The following PDE7A variants were observed in gnomAD, a reference collection of about 807,000 sequenced individuals.
The protein encoded by PDE7A is high affinity 3',5'-cyclic-AMP phosphodiesterase 7A.
Under a neutral mutation model 64.3 loss-of-function variants are expected in PDE7A, and 39 were observed. The observed-to-expected ratio is 0.61, with a 90% confidence interval of 0.47 to 0.79. PDE7A has a LOEUF of 0.79. Among genes scored for constraint, PDE7A ranks in the 30% least tolerant of loss-of-function variants. PDE7A has a pLI of 0.00. For synonymous variants in PDE7A, 203 were observed against 206.8 expected (o/e 0.98, Z 0.16); for missense variants, 470 against 582.8 (o/e 0.81, Z 1.99).
chr8:65,730,193 T>TTTTTTTTTTTTTTTC (rs1321443430), intron 7 of PDE7A, among the ~76,000 whole-genome samples: 3 of 136,996 alleles, frequency 2.2e-5, no homozygotes, highest in African/African-American at 8.1e-5. Context: ...TTTTTTTTTT[T>TTTTTTTTTTTTTTTC]TTTTGAGATG....
intron 7 of PDE7A, among the ~76,000 whole-genome samples, chr8:65,732,586 C>G (rs1171832223): frequency 6.6e-6 from 1 of 152,188 alleles, no homozygotes; most frequent in Non-Finnish European, 1.5e-5. Context: ...GGCACTATCA[C>G]TACTCTCTGC....
intron 3 of PDE7A, among the ~76,000 whole-genome samples, chr8:65,766,381 G>A (rs1358953477): frequency 5.3e-5 from 8 of 152,182 alleles, no homozygotes; most frequent in Non-Finnish European, 8.8e-5. Flanking sequence ...GAATATTTGC[G>A]ACTCTTACTT....
In PDE7A at chr8:65,739,606, AAAG is replaced by A. The variant is rs1807316213; in HGVS notation, c.500-12_500-10del. On this transcript the variant is annotated splice_polypyrimidine_tract_variant and intron_variant, in intron 5 of 12. Transcript: ENST00000401827. ...GCTTACTAGACTATTTCCTAAAAAG[AAAG>A]AAGAGACATTACATTAGTAGGAAAT... 6.6e-7 allele frequency: 1 copy of A among 1,511,340 alleles called. No homozygotes were observed. The highest frequency in any genetic ancestry group is 8.8e-7 in the Non-Finnish European group (1 of 1,135,024). The allele number at this position is 1,511,340 out of a possible 1,614,324, so 93.6% of individuals were successfully genotyped here.
chr8:65,733,335 G>T (rs543943225), intron 7 of PDE7A, among the ~76,000 whole-genome samples: 1 of 152,276 alleles, frequency 6.6e-6, no homozygotes, highest in Admixed American at 6.5e-5. Context: ...TAACCCTTTT[G>T]TGTGCTGCAG....
At chr8:65,728,886 T>C (rs1261858647) in intron 7 of PDE7A, among the ~76,000 whole-genome samples, 2 of 152,234 alleles carry the variant, frequency 1.3e-5, no homozygotes, top group South Asian at 2.1e-4. Flanking sequence ...CCATTAAAAA[T>C]AGGAACATGA....
At chr8:65,767,647 A>C (rs1808856723) in intron 3 of PDE7A, among the ~76,000 whole-genome samples, 1 of 151,990 alleles carries the variant, frequency 6.6e-6, no homozygotes, top group Non-Finnish European at 1.5e-5. Flanking sequence ...TGACCTCAAG[A>C]AGCTTTCATA....
rs371620919 is a variant in PDE7A at position 65,750,474 on chromosome 8, C to CTGTGTGTGTGTG, written c.284-2683_284-2672dup. ...TATGTATATATGTAAATTAGAATCA[C>CTGTGTGTGTGTG]TGTGTGTGTGTGTGTGTGTGTGTGT... On this transcript the variant is annotated intron_variant, in intron 3 of 12. Coordinates refer to ENST00000401827, the MANE Select transcript of PDE7A (RefSeq NM_001242318.3). Among the ~76,000 whole-genome samples, 1,132 of 142,592 alleles carry CTGTGTGTGTGTG rather than the reference C, an allele frequency of 7.9e-3. 11 individuals are homozygous for CTGTGTGTGTGTG. The highest frequency in any genetic ancestry group is 0.014 in the African/African-American group (521 of 38,140). The allele number at this position is 142,592 out of a possible 152,430, so 93.5% of individuals were successfully genotyped here.
intron 1 of PDE7A, among the ~76,000 whole-genome samples, chr8:65,792,553 A>T (rs1809729998): frequency 2.0e-5 from 3 of 152,238 alleles, no homozygotes; most frequent in South Asian, 2.1e-4. Context: ...CTGCATTGAC[A>T]TCAGTGTCTA....
chr8:65,786,451 T>C (rs1809561275), intron 1 of PDE7A, among the ~76,000 whole-genome samples: 1 of 152,140 alleles, frequency 6.6e-6, no homozygotes, highest in African/African-American at 2.4e-5. Flanking sequence ...AGTAGGAAGG[T>C]AGAATAATCT....
chr8:65,725,029 T>G (rs1262478598), intron 9 of PDE7A, 108 bp from the exon 10 acceptor site: 3 of 537,192 alleles, frequency 5.6e-6, no homozygotes, highest in African/African-American at 3.9e-5. Flanking sequence ...CCCTAAAATA[T>G]CCAACTATCA....
chr8:65,748,476 G>C (rs1807788630), intron 3 of PDE7A, among the ~76,000 whole-genome samples: 1 of 152,138 alleles, frequency 6.6e-6, no homozygotes, highest in Non-Finnish European at 1.5e-5. Context: ...TTTCCCTCTA[G>C]TGTTAGAATA....
At chr8:65,814,462 G>C (rs1810337407) in intron 1 of PDE7A, among the ~76,000 whole-genome samples, 2 of 117,748 alleles carry the variant, frequency 1.7e-5, no homozygotes, top group African/African-American at 6.5e-5. Context: ...AGTGAGCCGA[G>C]ATCCCGCCAC....
chr8:65,822,901 C>A (rs1018130264), intron 1 of PDE7A, among the ~76,000 whole-genome samples: 1 of 152,084 alleles, frequency 6.6e-6, no homozygotes, highest in African/African-American at 2.4e-5. Flanking sequence ...AGGCAGCAGT[C>A]TCCAAAATTT....
chr8:65,727,406 C>A, intron 7 of PDE7A, 105 bp from the exon 8 acceptor site: 2 of 1,501,266 alleles, frequency 1.3e-6, no homozygotes, highest in Non-Finnish European at 1.8e-6. Flanking sequence ...TGGTAATCTC[C>A]TCCCCCTTCA....
At chr8:65,735,335 A>C (rs917479894) in intron 6 of PDE7A, among the ~76,000 whole-genome samples, 1 of 152,082 alleles carries the variant, frequency 6.6e-6, no homozygotes, top group African/African-American at 2.4e-5. Context: ...TTGAGACAGG[A>C]TCTCACTTCG....
At chr8:65,767,363 C>T (rs1808843123) in intron 3 of PDE7A, among the ~76,000 whole-genome samples, 1 of 152,204 alleles carries the variant, frequency 6.6e-6, no homozygotes, top group East Asian at 1.9e-4. Flanking sequence ...GTCCTTCTAT[C>T]AGGTTGAATA....
At chr8:65,720,409 C>G (rs1023066179) in intron 12 of PDE7A, 1 of 154,126 alleles carries the variant, frequency 6.5e-6, no homozygotes, top group African/African-American at 2.4e-5. Flanking sequence ...CCAAGACTCT[C>G]GTTGCAGCAA....
rs1383856160 is a variant in PDE7A, at chr8:65,747,754, T to C, written c.333A>G (p.Leu111=). The change falls in exon 4 of 13, where the codon CTA becomes CTG. Residue 111 remains leucine (L), a synonymous_variant. Transcript: ENST00000401827. ...VSVSARNIRR[L]LSFQRYLRSS... ...ATCTAAGATATCGCTGGAAACTTAG[T>C]AGCCTTCTGATATTCCTTGCAGAGA... The C allele has an allele frequency of 3.1e-6, 5 of 1,609,204 alleles. No individual in the cohort carries two copies. Among genetic ancestry groups the C allele is most frequent in the Non-Finnish European group, 8.5e-7 (1 of 1,175,946 alleles).
chr8:65,836,215 A>C (rs1420782411), intron 1 of PDE7A, among the ~76,000 whole-genome samples: 1 of 152,216 alleles, frequency 6.6e-6, no homozygotes, highest in Non-Finnish European at 1.5e-5. Flanking sequence ...TTATGCTAAC[A>C]GTAATTTGGA....
Sources: gnomAD v4.1 joint callset for allele counts (sites outside exome capture counted in the v4.1 genomes callset) on GRCh38, gnomAD v4.1.1 for gene constraint, MANE v1.5 for transcripts, NCBI Gene and HGNC (gene_info 2026-07-23, HGNC 2026-07-21) for gene names.